The following CRACD variants were observed in gnomAD, a reference collection of about 807,000 sequenced individuals.
CRACD encodes capping protein inhibiting regulator of actin dynamics.
CRACD carries 56 observed loss-of-function variants against 106.8 expected under a neutral mutation model. That is an observed-to-expected ratio of 0.52 (90% CI 0.42 to 0.66). The LOEUF (loss-of-function observed/expected upper bound fraction) is 0.66. Among genes scored for constraint, CRACD ranks in the 30% least tolerant of loss-of-function variants. The pLI is 0.00. For missense variants in CRACD, 1,730 were observed against 1,623.2 expected (o/e 1.07, Z -1.13); for synonymous variants, 754 against 670.8 (o/e 1.12, Z -1.92).
At chr4:56,166,133 G>A (rs1438128956) in intron 1 of CRACD, among the ~76,000 whole-genome samples, 1 of 152,122 alleles carries the variant, frequency 6.6e-6, no homozygotes, top group East Asian at 1.9e-4. Flanking sequence ...CCAGATTACA[G>A]GTGTGAGCCA....
intron 2 of CRACD, among the ~76,000 whole-genome samples, chr4:56,203,031 G>A (rs1049291874): frequency 6.6e-6 from 1 of 152,132 alleles, no homozygotes; most frequent in Non-Finnish European, 1.5e-5. Context: ...GATTCTTATA[G>A]AAAAATCAGC....
chr4:56,249,498 G>A (rs1433717128), intron 2 of CRACD, among the ~76,000 whole-genome samples: 1 of 151,558 alleles, frequency 6.6e-6, no homozygotes, highest in Non-Finnish European at 1.5e-5. Flanking sequence ...TGAGTAGGTT[G>A]CGAAAATTTT....
At chr4:56,240,498 A>C (rs1333692100) in intron 2 of CRACD, among the ~76,000 whole-genome samples, 1 of 152,156 alleles carries the variant, frequency 6.6e-6, no homozygotes, top group Non-Finnish European at 1.5e-5. Flanking sequence ...GCCAACTTGC[A>C]TGCCTGATCC....
chr4:56,116,920 C>G (rs1163943096), intron 1 of CRACD, among the ~76,000 whole-genome samples: 1 of 151,196 alleles, frequency 6.6e-6, no homozygotes, highest in Non-Finnish European at 1.5e-5. Context: ...GTTGGCCCGG[C>G]TGGTCTCGAA....
chr4:56,287,529 C>T (rs932629456), intron 3 of CRACD, among the ~76,000 whole-genome samples: 1 of 152,252 alleles, frequency 6.6e-6, no homozygotes, highest in East Asian at 1.9e-4. Flanking sequence ...GATCTGCCCA[C>T]CTCGGCCTCC....
At chr4:56,268,695 A>G (rs939193224) in intron 2 of CRACD, among the ~76,000 whole-genome samples, 3 of 152,236 alleles carry the variant, frequency 2.0e-5, no homozygotes, top group Non-Finnish European at 4.4e-5. Context: ...TACAGCAGTC[A>G]TTGCCAAAGA....
chr4:56,097,766 G>T (rs1733644123), intron 1 of CRACD, among the ~76,000 whole-genome samples: 1 of 152,124 alleles, frequency 6.6e-6, no homozygotes, highest in Non-Finnish European at 1.5e-5. Flanking sequence ...ATTGTTAGAT[G>T]GAGAGAGTGG....
At chr4:56,059,013 T>TC (rs1214719399) in intron 1 of CRACD, among the ~76,000 whole-genome samples, 1 of 152,214 alleles carries the variant, frequency 6.6e-6, no homozygotes, top group African/African-American at 2.4e-5. Context: ...TTATCATTTT[T>TC]CTTTTTTTTT....
chr4:56,148,703 A>G (rs1288031910), intron 1 of CRACD, among the ~76,000 whole-genome samples: 2 of 152,096 alleles, frequency 1.3e-5, no homozygotes, highest in South Asian at 2.1e-4. Context: ...AAGGATTTCA[A>G]ATTGTTTCTT....
intron 3 of CRACD, among the ~76,000 whole-genome samples, chr4:56,281,895 A>C (rs1224593813): frequency 6.6e-6 from 1 of 152,196 alleles, no homozygotes; most frequent in Non-Finnish European, 1.5e-5. Context: ...TTGAGATTCC[A>C]AACTTTCCTC....
chr4:56,133,944 G>A (rs1445373535), intron 1 of CRACD, among the ~76,000 whole-genome samples: 1 of 152,148 alleles, frequency 6.6e-6, no homozygotes, highest in African/African-American at 2.4e-5. Flanking sequence ...GCTCACACCT[G>A]TAATCCCAGA....
At chr4:56,130,974 G>C (rs1257542957) in intron 1 of CRACD, among the ~76,000 whole-genome samples, 1 of 152,124 alleles carries the variant, frequency 6.6e-6, no homozygotes, top group Non-Finnish European at 1.5e-5. Flanking sequence ...GTAAAATGGA[G>C]GCAGTGATGC....
At chr4:56,099,701 C>T (rs917480601) in intron 1 of CRACD, among the ~76,000 whole-genome samples, 2 of 152,160 alleles carry the variant, frequency 1.3e-5, no homozygotes, top group Non-Finnish European at 2.9e-5. Context: ...ACTCACTGGG[C>T]TAAATTAAGT....
At chr4:56,072,966 T>C (rs943793495) in intron 1 of CRACD, among the ~76,000 whole-genome samples, 1 of 152,220 alleles carries the variant, frequency 6.6e-6, no homozygotes, top group Non-Finnish European at 1.5e-5. Context: ...TAGTATGCCA[T>C]GTTGTGTATG....
At chr4:56,279,344 A>G (rs572830804) in intron 3 of CRACD, among the ~76,000 whole-genome samples, 87 of 152,260 alleles carry the variant, frequency 5.7e-4, no homozygotes, top group Non-Finnish European at 1.0e-3. Flanking sequence ...AGAAACTACC[A>G]TCGGAGTGAA....
rs188594603 is a variant in CRACD, at chr4:56,116,889, G to A, written c.-335-62395G>A. Reference sequence around the variant, plus strand: ...CGCCTGACTAATTTTTGTATTTTTGGTAGAGACAGGGTTTCGCCATGTTGG... The same window carrying A: ...CGCCTGACTAATTTTTGTATTTTTGATAGAGACAGGGTTTCGCCATGTTGG... On this transcript the variant is annotated intron_variant, in intron 1 of 10. Transcript: ENST00000682029. Among the ~76,000 whole-genome samples the A allele has an allele frequency of 4.5e-4, 68 of 151,452 alleles. 1 individual carries two copies. Among genetic ancestry groups the A allele is most frequent in the Non-Finnish European group, 8.5e-4 (58 of 67,864 alleles).
At chr4:56,239,234 A>G (rs886360002) in intron 2 of CRACD, among the ~76,000 whole-genome samples, 3 of 152,178 alleles carry the variant, frequency 2.0e-5, no homozygotes, top group Admixed American at 1.3e-4. Context: ...CGGAGGTTGC[A>G]GTGAGTCAAG....
intron 3 of CRACD, among the ~76,000 whole-genome samples, chr4:56,286,475 G>A (rs1474688247): frequency 2.2e-5 from 3 of 139,408 alleles, no homozygotes; most frequent in African/African-American, 5.3e-5. Context: ...ACAGTGAGCC[G>A]AGATCGCGCC....
Position 56,074,945 on chromosome 4 carries a change from A to G in CRACD, c.-336+25646A>G, listed in dbSNP as rs183205593. Among the ~76,000 whole-genome samples the G allele has an allele frequency of 4.1e-4, 62 of 152,280 alleles. 1 individual carries two copies. Among genetic ancestry groups the G allele is most frequent in the Admixed American group, 1.7e-3 (26 of 15,294 alleles). ...CTTTTCTGCATCAATGGAGACAATC[A>G]TGTGGTTTTTGTGATTGGTTCTGTT... On this transcript the variant is annotated intron_variant, in intron 1 of 10. Coordinates refer to ENST00000682029, the MANE Select transcript of CRACD (RefSeq NM_001393381.1).
Sources: gnomAD v4.1 joint callset for allele counts (sites outside exome capture counted in the v4.1 genomes callset) on GRCh38, gnomAD v4.1.1 for gene constraint, MANE v1.5 for transcripts, NCBI Gene and HGNC (gene_info 2026-07-23, HGNC 2026-07-21) for gene names.